RASA1: variants seen among roughly 807,000 people sequenced by gnomAD.
RASA1 encodes RAS p21 protein activator 1, also known as ras GTPase-activating protein 1.
Under a neutral mutation model 132.2 loss-of-function variants are expected in RASA1, and 25 were observed. The observed-to-expected ratio is 0.19, with a 90% CI of 0.14 to 0.26. The LOEUF (loss-of-function observed/expected upper bound fraction) is 0.26, where lower values mean the gene tolerates loss of function less well. RASA1 is among the 10% of genes least tolerant of loss of function. The pLI is 1.00. For missense variants in RASA1, 964 were observed against 1,299.2 expected (o/e 0.74, Z 3.97); for synonymous variants, 477 against 449.9 (o/e 1.06, Z -0.76).
chr5:87,330,420 A>G (rs1346326539), intron 1 of RASA1, among the ~76,000 whole-genome samples: 1 of 152,172 alleles, frequency 6.6e-6, no homozygotes, highest in Non-Finnish European at 1.5e-5. Context: ...TCAATGTAAT[A>G]TGAATGTTTA....
intron 1 of RASA1, among the ~76,000 whole-genome samples, chr5:87,272,999 G>A (rs1753913895): frequency 6.6e-6 from 1 of 152,156 alleles, no homozygotes; most frequent in South Asian, 2.1e-4. Context: ...TGGATAGCAT[G>A]GTATTAAGGG....
chr5:87,278,605 CAGT>C (rs1213276045), intron 1 of RASA1, among the ~76,000 whole-genome samples: 5 of 152,070 alleles, frequency 3.3e-5, no homozygotes, highest in Non-Finnish European at 5.9e-5. Flanking sequence ...CATTTTACCT[CAGT>C]GGTAACATCT....
Position 87,372,148 on chromosome 5 carries a change from A to T in RASA1, c.1729A>T (p.Asn577Tyr), listed in dbSNP as rs746729395. ...GATGAAAGGTCTGCAGGCATTTTGC[A>T]ATTTACGGAAAAGTAGTCCAGGGAC... is the stretch of plus-strand genomic sequence containing the variant. ...DWMKGLQAFC[N>Y]LRKSSPGTSN... The change falls in exon 13 of 25, where the codon AAT (asparagine) becomes TAT (tyrosine). Residue 577 changes from asparagine (N) to tyrosine (Y), a missense_variant. Asn to Tyr is a moderately radical substitution (Grantham distance 143, BLOSUM62 -2). Around this residue, in one of 6 missense-constraint regions of RASA1, gnomAD observed 346 missense variants for 520.1 expected, o/e 0.67. Transcript: ENST00000274376. The T allele has an allele frequency of 2.5e-6, 4 of 1,613,674 alleles. No homozygotes were observed. Among genetic ancestry groups the T allele is most frequent in the Non-Finnish European group, 3.4e-6 (4 of 1,179,740 alleles).
intron 1 of RASA1, among the ~76,000 whole-genome samples, chr5:87,284,357 G>C (rs1278363936): frequency 6.6e-6 from 1 of 152,170 alleles, no homozygotes; most frequent in East Asian, 1.9e-4. Flanking sequence ...CAGACAGGTA[G>C]GTAGGCAGAT....
At chr5:87,365,722 AACTC>A (rs1326091907) in intron 11 of RASA1, among the ~76,000 whole-genome samples, 1 of 152,148 alleles carries the variant, frequency 6.6e-6, no homozygotes, top group Non-Finnish European at 1.5e-5. Context: ...AAAAAAATGT[AACTC>A]ACTTACTAGG....
chr5:87,268,023 C>CA lies in RASA1; in HGVS notation c.-429_-428insA, dbSNP rs1753641877. On this transcript the variant is annotated 5_prime_UTR_variant, in exon 1 of 25. It removes the in-frame stop codon of an upstream open reading frame in the 5' UTR. Coordinates refer to ENST00000274376, the MANE Select transcript of RASA1 (RefSeq NM_002890.3). ...GTGGCCCCAGCCTCAGCAGCGGCAC[C>CA]GGCGGTGGCTGCGGTGTGGGTGGCC... is the stretch of plus-strand genomic sequence containing the variant. The CA allele has an allele frequency of 7.4e-6, 3 of 406,716 alleles. No individual in the cohort carries two copies. The Admixed American group carries it at 1.3e-4, about 17-fold the overall frequency. 25.2% of individuals were successfully genotyped at this position (406,716 alleles called of 1,614,324 possible). A position where few individuals can be genotyped will look rare whatever the true frequency, so the allele number is the denominator to read the frequency against.
rs1761157020 is a variant in RASA1, at chr5:87,374,270, T to G, written c.1884T>G (p.Thr628=). The G allele has an allele frequency of 1.2e-6, 2 of 1,605,064 alleles. No homozygotes were observed. Among genetic ancestry groups the G allele is most frequent in the Middle Eastern group, 3.3e-4 (2 of 6,020 alleles). ...TGAATAGTGTCCAAGTAGCAAAAAC[T>G]CATGCAAGGGAAGGGCAAAACCCAG... ...IYLNSVQVAK[T]HAREGQNPVW... The change falls in exon 14 of 25, where the codon ACT becomes ACG. Residue 628 remains threonine, a synonymous_variant. Transcript: ENST00000274376.
chr5:87,307,758 T>C (rs555378861), intron 1 of RASA1, among the ~76,000 whole-genome samples: 2 of 152,350 alleles, frequency 1.3e-5, no homozygotes, highest in East Asian at 3.9e-4. Flanking sequence ...AACCAACTTT[T>C]GTTTTTTTCC....
intron 9 of RASA1, among the ~76,000 whole-genome samples, chr5:87,357,646 A>C (rs987119334): frequency 1.3e-5 from 2 of 152,102 alleles, no homozygotes; most frequent in African/African-American, 4.8e-5. Context: ...TGGAGGTTGC[A>C]GTGAGCCGAG....
intron 21 of RASA1, among the ~76,000 whole-genome samples, chr5:87,384,672 G>A (rs1335632208): frequency 6.6e-6 from 1 of 152,068 alleles, no homozygotes; most frequent in Non-Finnish European, 1.5e-5. Flanking sequence ...GGATTTTACT[G>A]TTAAATAATT....
chr5:87,335,938 C>CT (rs1325606652), intron 4 of RASA1, among the ~76,000 whole-genome samples: 5 of 152,176 alleles, frequency 3.3e-5, no homozygotes, highest in African/African-American at 1.2e-4. Context: ...TACAACTAAC[C>CT]TTCAAGAAAG....
At chr5:87,271,125 C>A (rs914287639) in intron 1 of RASA1, among the ~76,000 whole-genome samples, 1 of 152,042 alleles carries the variant, frequency 6.6e-6, no homozygotes, top group African/African-American at 2.4e-5. Context: ...GTAATCCCAG[C>A]TTCTTAGGAG....
At chr5:87,286,157 A>G (rs1354297875) in intron 1 of RASA1, among the ~76,000 whole-genome samples, 1 of 151,360 alleles carries the variant, frequency 6.6e-6, no homozygotes, top group Non-Finnish European at 1.5e-5. Flanking sequence ...GCGTGCCACC[A>G]CCCCTGGCTA....
At chr5:87,279,998 G>C (rs1754242556) in intron 1 of RASA1, among the ~76,000 whole-genome samples, 1 of 152,348 alleles carries the variant, frequency 6.6e-6, no homozygotes, top group African/African-American at 2.4e-5. Context: ...GGAGTCCAGA[G>C]ACCAAAGAAC....
intron 1 of RASA1, among the ~76,000 whole-genome samples, chr5:87,325,147 A>T (rs1460556813): frequency 6.6e-6 from 1 of 152,114 alleles, no homozygotes; most frequent in Non-Finnish European, 1.5e-5. Context: ...ACATGGTGTC[A>T]TCAAGGAGAA....
intron 1 of RASA1, among the ~76,000 whole-genome samples, chr5:87,301,942 T>C (rs1203829338): frequency 6.6e-6 from 1 of 152,198 alleles, no homozygotes; most frequent in Admixed American, 6.5e-5. Context: ...CCTTTTCTAC[T>C]AGTGATGGAC....
intron 1 of RASA1, among the ~76,000 whole-genome samples, chr5:87,280,424 T>G (rs1754264315): frequency 6.6e-6 from 1 of 152,160 alleles, no homozygotes; most frequent in Non-Finnish European, 1.5e-5. Context: ...GCGATTTTCC[T>G]GCCTCAGCCT....
chr5:87,331,939 A>G (rs752370777), intron 2 of RASA1, among the ~76,000 whole-genome samples: 56 of 152,176 alleles, frequency 3.7e-4, no homozygotes, highest in Non-Finnish European at 4.6e-4. Context: ...ATTTTCAAGT[A>G]CAAATATTCT....
intron 1 of RASA1, among the ~76,000 whole-genome samples, chr5:87,319,437 C>G (rs977426021): frequency 6.6e-6 from 1 of 152,220 alleles, no homozygotes; most frequent in Non-Finnish European, 1.5e-5. Flanking sequence ...CCTCTGAAAT[C>G]AAGGTGGAGG....
Sources: allele counts gnomAD v4.1 joint callset (sites outside exome capture counted in the v4.1 genomes callset), GRCh38; gene constraint gnomAD v4.1.1; regional missense constraint gnomAD v4.1.1; transcripts MANE v1.5; gene names NCBI Gene and HGNC (gene_info 2026-07-23, HGNC 2026-07-21).